CALD1: variants seen among roughly 807,000 people sequenced by gnomAD.
CALD1 encodes the protein caldesmon 1, also known as caldesmon.
Under a neutral mutation model 99.9 loss-of-function variants are expected in CALD1, and 33 were observed. That is an observed-to-expected ratio of 0.33 (90% CI 0.25 to 0.44). The LOEUF is 0.44. Ranked by LOEUF, CALD1 falls within the 20% of genes least tolerant of loss-of-function variation. The pLI is 1.00. For missense variants in CALD1, 861 were observed against 962.1 expected, an observed-to-expected ratio of 0.89 and a Z score of 1.39; for synonymous variants, 310 against 325.0, an observed-to-expected ratio of 0.95 and a Z score of 0.50.
the CALD1 span, among the ~76,000 whole-genome samples, chr7:134,729,581 G>A: frequency 6.6e-6 from 1 of 152,232 alleles, no homozygotes; most frequent in Admixed American, 6.5e-5. Flanking sequence ...GATTTGAAGG[G>A]CCGTACAGTG....
At chr7:134,801,348 G>A (rs1797934208) in intron 1 of CALD1, among the ~76,000 whole-genome samples, 1 of 151,748 alleles carries the variant, frequency 6.6e-6, no homozygotes, top group South Asian at 2.1e-4. Context: ...ACAGCCAATT[G>A]TTACAATAAT....
intron 3 of CALD1, among the ~76,000 whole-genome samples, chr7:134,887,247 C>T (rs1375224211): frequency 6.6e-6 from 1 of 152,106 alleles, no homozygotes; most frequent in African/African-American, 2.4e-5. Flanking sequence ...ACACGTTCAA[C>T]GCCATGGCAG....
intron 3 of CALD1, among the ~76,000 whole-genome samples, chr7:134,928,396 T>C (rs1805211846): frequency 8.6e-6 from 1 of 115,612 alleles, no homozygotes; most frequent in African/African-American, 3.4e-5. Flanking sequence ...GCTGCTGCAC[T>C]CCAGCCCGGG....
rs1173549884 is a variant in CALD1, at chr7:134,752,753, C to A, written c.-130+8390C>A. Among the ~76,000 whole-genome samples the A allele has an allele frequency of 9.2e-5, 14 of 152,244 alleles. No homozygotes were observed. The East Asian group carries it at 2.7e-3, about 29-fold the overall frequency. ...CAGTGGCTCACACCTGTAATCCCAG[C>A]ACTTTAGGAGGCCGAGGCGGGCAGA... On this transcript the variant is annotated intron_variant, in intron 1 of 13. Coordinates refer to the CALD1 transcript ENST00000417172.
At chr7:134,865,055 C>T (rs1184426257) in intron 2 of CALD1, among the ~76,000 whole-genome samples, 1 of 152,066 alleles carries the variant, frequency 6.6e-6, no homozygotes, top group East Asian at 1.9e-4. Context: ...ACTTTTCATC[C>T]CTTCATTGGT....
At chr7:134,888,383 A>C (rs1466895265) in intron 3 of CALD1, among the ~76,000 whole-genome samples, 1 of 152,196 alleles carries the variant, frequency 6.6e-6, no homozygotes, top group East Asian at 1.9e-4. Context: ...GCAGCTGGAC[A>C]CTGGGTACCA....
chr7:134,720,855 A>G, the CALD1 span, among the ~76,000 whole-genome samples: 1 of 152,206 alleles, frequency 6.6e-6, no homozygotes, highest in Admixed American at 6.5e-5. Flanking sequence ...TCTTATATTC[A>G]TGGGCTTGTA....
chr7:134,753,051 T>C (rs1036491803), intron 1 of CALD1, among the ~76,000 whole-genome samples: 1 of 151,924 alleles, frequency 6.6e-6, no homozygotes, highest in African/African-American at 2.4e-5. Context: ...AAAAACACTT[T>C]TCACACTTTT....
At chr7:134,742,532 C>A (rs77548521), upstream of CALD1, among the ~76,000 whole-genome samples, 432 of 152,258 alleles carry the variant, frequency 2.8e-3, 4 homozygotes, top group African/African-American at 9.8e-3. Flanking sequence ...GATCTGCTGG[C>A]AGGGGCTGGT....
rs1283088267 is a variant in CALD1 at position 134,933,917 on chromosome 7, T to C, written c.1148T>C (p.Val383Ala). The C allele has an allele frequency of 1.2e-6, 2 of 1,612,156 alleles. No homozygotes were observed. Among genetic ancestry groups the C allele is most frequent in the South Asian group, 1.1e-5 (1 of 90,982 alleles). ...GCAGAGGAGGAAGAGAAGGCTAAGG[T>C]AGAAGAGCAGAAACGTAACAAGCAG... ...ARAEEEEKAK[V>A]EEQKRNKQLE... The change falls in exon 5 of 15, where the codon GTA (valine) becomes GCA (alanine). Residue 383 changes from valine (V) to alanine (A), a missense_variant. This residue lies in a region of CALD1 where 293 missense variants were observed against 262.7 expected (regional missense o/e 1.12). Transcript: ENST00000361675.
intron 2 of CALD1, among the ~76,000 whole-genome samples, chr7:134,865,800 T>C (rs896372895): frequency 6.6e-6 from 1 of 152,126 alleles, no homozygotes; most frequent in African/African-American, 2.4e-5. Flanking sequence ...CTACCAGAGG[T>C]ATAGGCTGAG....
chr7:134,713,250 A>C, the CALD1 span, among the ~76,000 whole-genome samples: 1 of 152,190 alleles, frequency 6.6e-6, no homozygotes, highest in Non-Finnish European at 1.5e-5. Context: ...CCTACACTTC[A>C]TGTTAATTTC....
chr7:134,757,235 C>T (rs1796737984), intron 1 of CALD1, among the ~76,000 whole-genome samples: 2 of 152,088 alleles, frequency 1.3e-5, no homozygotes, highest in Admixed American at 1.3e-4. Flanking sequence ...ACTTACTTTA[C>T]TCTTCCTTCT....
chr7:134,733,578 G>A, the CALD1 span, among the ~76,000 whole-genome samples: 3 of 152,128 alleles, frequency 2.0e-5, no homozygotes, highest in African/African-American at 7.2e-5. Context: ...GGAGGCTGAG[G>A]CGGGCGGATC....
intron 1 of CALD1, among the ~76,000 whole-genome samples, chr7:134,808,362 C>A (rs1050553290): frequency 6.6e-6 from 1 of 152,134 alleles, no homozygotes; most frequent in African/African-American, 2.4e-5. Context: ...CCCAACTCGG[C>A]CTGCCAAAGT....
intron 1 of CALD1, among the ~76,000 whole-genome samples, chr7:134,764,563 A>C (rs1178878286): frequency 6.6e-6 from 1 of 152,194 alleles, no homozygotes; most frequent in Non-Finnish European, 1.5e-5. Flanking sequence ...ATTAGCTATC[A>C]CTCAACTATT....
chr7:134,950,376 A>G lies in CALD1; in HGVS notation c.1797A>G (p.Glu599=). ...GTTATTTGTTCTTTCTCTCTTAGGA[A>G]GAGAAGAGGAGGCTAAAGGAAGAGA... ...EEADRKLREE[E]EKRRLKEEIE... The change falls in exon 9 of 15, where the codon GAA becomes GAG. Residue 599 remains glutamate, a splice_region_variant and synonymous_variant. Transcript: ENST00000361675. 1 of 1,614,034 alleles carries G rather than the reference A, an allele frequency of 6.2e-7. No homozygotes were observed. Among genetic ancestry groups the G allele is most frequent in the Non-Finnish European group, 8.5e-7 (1 of 1,179,932 alleles).
chr7:134,942,633 A>C (rs569931073), intron 7 of CALD1, among the ~76,000 whole-genome samples: 12 of 152,198 alleles, frequency 7.9e-5, no homozygotes, highest in Non-Finnish European at 1.2e-4. Flanking sequence ...AACTTGCTGA[A>C]GTGTCTGTAG....
intron 1 of CALD1, among the ~76,000 whole-genome samples, chr7:134,757,735 CG>C (rs1796741733): frequency 6.6e-6 from 1 of 151,814 alleles, no homozygotes; most frequent in African/African-American, 2.4e-5. Flanking sequence ...AAAAATTAGC[CG>C]GGCATGGTGG....
Sources: allele counts gnomAD v4.1 joint callset (sites outside exome capture counted in the v4.1 genomes callset), GRCh38; gene constraint gnomAD v4.1.1; regional missense constraint gnomAD v4.1.1; transcripts MANE v1.5; gene names NCBI Gene and HGNC (gene_info 2026-07-23, HGNC 2026-07-21).